Variants in SP110 observed in about 807,000 individuals in gnomAD.
SP110 encodes SP110 nuclear body protein.
Under a neutral mutation model 92.7 loss-of-function variants are expected in SP110, and 62 were observed. That is an observed-to-expected ratio of 0.67 (90% CI 0.55 to 0.83). The LOEUF (loss-of-function observed/expected upper bound fraction) is 0.83, where lower values mean the gene tolerates loss of function less well. Among genes scored for constraint, SP110 ranks in the 40% least tolerant of loss-of-function variants. SP110 has a pLI of 0.00. For synonymous variants in SP110, 273 were observed against 305.3 expected, an observed-to-expected ratio of 0.89 and a Z score of 1.10; for missense variants, 793 against 863.9, an observed-to-expected ratio of 0.92 and a Z score of 1.03.
chr2:230,187,964 T>G (rs762899162), intron 10 of SP110, among the ~76,000 whole-genome samples: 11 of 152,232 alleles, frequency 7.2e-5, no homozygotes, highest in Non-Finnish European at 1.0e-4. Context: ...AGGATTGCTT[T>G]GGCTTTGCAG....
Position 230,209,956 on chromosome 2 carries a change from C to T in SP110, c.804G>A (p.Val268=). The T allele has an allele frequency of 6.2e-7, 1 of 1,609,068 alleles. No homozygotes were observed. Residue 268 remains valine, a synonymous_variant, in exon 7 of 19, where the codon GTG becomes GTA. Transcript: ENST00000258381. ...EPNDPEEPQE[V]SSTPSDKKGK... ...CTTTCTTGTCTGAAGGTGTGCTGGA[C>T]ACCTCCTGGGGCTCTTCTGGGTCAT...
chr2:230,172,807 G>T, intron 15 of SP110, 37 bp downstream of exon 15: 1 of 1,373,142 alleles, frequency 7.3e-7, no homozygotes. Flanking sequence ...CTGGAGGTGA[G>T]TGCTGTGTGC....
At chr2:230,176,788 C>T in intron 14 of SP110, 4 of 1,521,252 alleles carry the variant, frequency 2.6e-6, no homozygotes, top group South Asian at 2.2e-5. Flanking sequence ...TAGATACTGG[C>T]CTTCCCACTT....
Position 230,213,039 on chromosome 2 carries a change from G to A in SP110, c.317-12C>T. ...ATAGGAAGCACCAACTGGGATTGGTGAAGGGACACACATCAGTACCCTGGA... is the reference window on the plus strand; with the variant it reads ...ATAGGAAGCACCAACTGGGATTGGTAAAGGGACACACATCAGTACCCTGGA... On this transcript the variant is annotated splice_polypyrimidine_tract_variant and intron_variant, in intron 3 of 18. Transcript: ENST00000258381. 2 of 1,613,516 alleles carry A rather than the reference G, an allele frequency of 1.2e-6. No homozygotes were observed. The highest frequency in any genetic ancestry group is 8.5e-7 in the Non-Finnish European group (1 of 1,179,692).
chr2:230,212,630 G>A (rs1467796279), intron 4 of SP110, 131 bp downstream of exon 4: 1 of 1,288,220 alleles, frequency 7.8e-7, no homozygotes, highest in Non-Finnish European at 1.1e-6. Flanking sequence ...CTTGAAAAGG[G>A]TTGTGTTTGG....
chr2:230,174,529 C>CCT (rs2041762865), intron 14 of SP110, among the ~76,000 whole-genome samples: 1 of 152,188 alleles, frequency 6.6e-6, no homozygotes, highest in Non-Finnish European at 1.5e-5. Flanking sequence ...CCCATGATGG[C>CCT]CATGGGCTTC....
intron 12 of SP110, among the ~76,000 whole-genome samples, chr2:230,182,127 TA>T (rs564956304): frequency 6.6e-6 from 1 of 152,184 alleles, no homozygotes; most frequent in Non-Finnish European, 1.5e-5. Flanking sequence ...TATGCAGCCA[TA>T]AAAAGGAACA....
intron 10 of SP110, among the ~76,000 whole-genome samples, chr2:230,199,205 CTTTTTTTTT>C (rs35807015): frequency 1.1e-5 from 1 of 89,464 alleles, no homozygotes; most frequent in Non-Finnish European, 2.1e-5. Flanking sequence ...ACATAATCCT[CTTTTTTTTT>C]TTTTTTTTTT....
chr2:230,219,505 C>T (rs1301964728), intron 1 of SP110: 2 of 152,112 alleles, frequency 1.3e-5, no homozygotes, highest in African/African-American at 2.4e-5. Flanking sequence ...ACACTAGAGA[C>T]GAAATTAAAT....
intron 10 of SP110, among the ~76,000 whole-genome samples, chr2:230,195,876 G>T (rs1302455350): frequency 2.0e-5 from 3 of 151,830 alleles, no homozygotes; most frequent in Admixed American, 6.6e-5. Context: ...GCATATAGAA[G>T]GTTAATATCC....
intron 12 of SP110, among the ~76,000 whole-genome samples, chr2:230,178,757 C>T (rs891636278): frequency 6.6e-6 from 1 of 152,180 alleles, no homozygotes; most frequent in Non-Finnish European, 1.5e-5. Flanking sequence ...TTCCCTGCTT[C>T]TTCCTCGATG....
chr2:230,200,293 A>G (rs765094849), intron 10 of SP110, among the ~76,000 whole-genome samples: 4 of 152,200 alleles, frequency 2.6e-5, no homozygotes, highest in Non-Finnish European at 5.9e-5. Flanking sequence ...CTCTAAGGAT[A>G]GTGTTATCAA....
intron 1 of SP110, 149 bp from the exon 2 acceptor site, chr2:230,217,077 C>A (rs1044062749): frequency 1.6e-6 from 1 of 629,722 alleles, no homozygotes; most frequent in Non-Finnish European, 2.8e-6. Flanking sequence ...GAAACTCTGT[C>A]TCTACTAAAA....
Position 230,208,020 on chromosome 2 carries a change from C to CT in SP110, c.868dup (p.Arg290LysfsTer4). On this transcript the variant is annotated frameshift_variant, in exon 8 of 19. Transcript: ENST00000258381. LOFTEE classifies it high-confidence loss of function. ...TGGGAGGCTTTTTTTCTTATGTCTC[C>CT]TTTTTGGAGTTGACCAGATACATCT... 6.4e-7 allele frequency: 1 copy of CT among 1,567,488 alleles called. No individual in the cohort carries two copies. Among genetic ancestry groups the CT allele is most frequent in the Non-Finnish European group, 8.8e-7 (1 of 1,139,894 alleles).
At chr2:230,221,825 A>C, upstream of SP110, 1 of 1,150,098 alleles carries the variant, frequency 8.7e-7, no homozygotes. Context: ...ACAAACAAAC[A>C]AAAGTAAAGC....
chr2:230,212,286 A>AC, intron 5 of SP110, 61 bp downstream of exon 5: 1 of 1,237,784 alleles, frequency 8.1e-7, no homozygotes, highest in Non-Finnish European at 1.2e-6. Context: ...TGGTTGGCAG[A>AC]CGCATGTTCT....
In SP110 at chr2:230,183,747, G is replaced by T. The variant is rs140505436; in HGVS notation, c.1280-107C>A. 299 of 801,860 alleles carry T rather than the reference G, an allele frequency of 3.7e-4. 2 individuals are homozygous for T. The African/African-American group carries it at 4.1e-3, about 11-fold the overall frequency. 49.7% of individuals were successfully genotyped at this position (801,860 alleles called of 1,614,324 possible). Reference sequence around the variant, plus strand: ...TCCTGTTTTTCTACCAGTTTGGAGAGACAAGTTACATATGAGTCCTTATGA... The same window carrying T: ...TCCTGTTTTTCTACCAGTTTGGAGATACAAGTTACATATGAGTCCTTATGA... On this transcript the variant is annotated intron_variant, in intron 11 of 18. Coordinates refer to ENST00000258381, the MANE Select transcript of SP110 (RefSeq NM_080424.4).
At chr2:230,223,173 A>C (rs754036954), upstream of SP110, among the ~76,000 whole-genome samples, 4 of 151,778 alleles carry the variant, frequency 2.6e-5, no homozygotes, top group Non-Finnish European at 5.9e-5. Context: ...AGTAGCTGGG[A>C]CTACAGGCAC....
At position 230,172,115 on chromosome 2, in the gene SP110, T is replaced by A. The variant is rs201886262; in HGVS notation, c.1766A>T (p.His589Leu). 38 of 1,613,826 alleles carry A rather than the reference T, an allele frequency of 2.4e-5. No homozygotes were observed. Among genetic ancestry groups the A allele is most frequent in the Middle Eastern group, 3.3e-4 (2 of 6,060 alleles). Residue 589 changes from histidine to leucine, a missense_variant, in exon 16 of 19, where the codon CAT (histidine) becomes CTT (leucine). Physicochemically the swap from His to Leu is moderately conservative, Grantham distance 99. Transcript: ENST00000258381. ...CCTCTCCAGGGTCTTAGATACATGA[T>A]GGCACTGTTGGCTTCCTGAAGACCT... The part of the protein sequence containing the change: ...MKRSSGSQQC[H>L]HVSKTLERQM...
Sources: allele counts gnomAD v4.1 joint callset (sites outside exome capture counted in the v4.1 genomes callset), GRCh38; gene constraint gnomAD v4.1.1; transcripts MANE v1.5; gene names NCBI Gene and HGNC (gene_info 2026-07-23, HGNC 2026-07-21).